ACSM3: variants seen among roughly 807,000 people sequenced by gnomAD.
The protein encoded by ACSM3 is acyl-CoA synthetase medium chain family member 3.
A neutral mutation model predicts 74.1 loss-of-function variants in ACSM3; 61 were observed. The ratio of observed to expected loss-of-function variants is 0.82; its 90% confidence interval spans 0.67 to 1.02. The LOEUF is 1.02. ACSM3 is among the 50% of genes least tolerant of loss of function. The pLI, the probability that ACSM3 is intolerant of heterozygous loss-of-function variation, is 0.00. For synonymous variants in ACSM3, 213 were observed against 241.5 expected, an observed-to-expected ratio of 0.88 and a Z score of 1.09; for missense variants, 660 against 697.0, an observed-to-expected ratio of 0.95 and a Z score of 0.60.
chr16:20,696,932 G>A (rs944980134), intron 1 of ACSM3, among the ~76,000 whole-genome samples: 1 of 152,152 alleles, frequency 6.6e-6, no homozygotes, highest in Non-Finnish European at 1.5e-5. Context: ...GAACTTAAGC[G>A]CACAGTAGTA....
chr16:20,734,201 CCA>C (rs1399851583), intron 1 of ACSM3: 3 of 152,612 alleles, frequency 2.0e-5, no homozygotes, highest in African/African-American at 7.2e-5. Flanking sequence ...CAATTTAGTT[CCA>C]CAGAGTTGTA....
chr16:20,777,292 T>C (rs1175954786), intron 3 of ACSM3, 81 bp from the exon 4 acceptor site: 3 of 1,241,476 alleles, frequency 2.4e-6, no homozygotes, highest in African/African-American at 3.0e-5. Context: ...AAATACAGAA[T>C]GTATAGATGG....
intron 1 of ACSM3, chr16:20,722,208 G>T (rs1313917639): frequency 6.6e-6 from 1 of 152,174 alleles, no homozygotes; most frequent in African/African-American, 2.4e-5. Flanking sequence ...TTTTTTAAAT[G>T]TGCTGGTTAA....
At chr16:20,698,448 G>A (rs2152351571) in intron 1 of ACSM3, among the ~76,000 whole-genome samples, 1 of 152,198 alleles carries the variant, frequency 6.6e-6, no homozygotes, top group South Asian at 2.1e-4. Context: ...CCTTAGGTCT[G>A]CCACTTAACC....
At chr16:20,742,792 A>AATATATATATAT (rs1216173827) in intron 1 of ACSM3, among the ~76,000 whole-genome samples, 384 of 136,348 alleles carry the variant, frequency 2.8e-3, no homozygotes, top group East Asian at 0.021. Context: ...GGTGCGTGTA[A>AATATATATATAT]ATATATATAT....
At chr16:20,684,520 G>A (rs568691951) in intron 1 of ACSM3, among the ~76,000 whole-genome samples, 4 of 152,184 alleles carry the variant, frequency 2.6e-5, no homozygotes, top group South Asian at 2.1e-4. Context: ...CCTGCCTAAC[G>A]TGTCTAATCT....
intron 1 of ACSM3, among the ~76,000 whole-genome samples, chr16:20,713,251 C>G (rs187826530): frequency 6.6e-6 from 1 of 152,182 alleles, no homozygotes; most frequent in East Asian, 1.9e-4. Context: ...ATAGAGTAAT[C>G]ACTCCATAAA....
At chr16:20,759,013 G>T (rs1273059671) in intron 3 of ACSM3, among the ~76,000 whole-genome samples, 3 of 152,092 alleles carry the variant, frequency 2.0e-5, no homozygotes, top group East Asian at 3.9e-4. Flanking sequence ...TATAATTTCT[G>T]TTCTTTTACA....
Position 20,790,716 on chromosome 16 carries a change from T to G in ACSM3, c.1326+28T>G. 5 of 1,614,022 alleles carry G rather than the reference T, an allele frequency of 3.1e-6. No homozygotes were observed. The highest frequency in any genetic ancestry group is 4.2e-6 in the Non-Finnish European group (5 of 1,179,922). On this transcript the variant is annotated intron_variant, in intron 10 of 13. Coordinates refer to ENST00000289416, the MANE Select transcript of ACSM3 (RefSeq NM_005622.4). This position sits in a 1 kb window ranked among gnomAD's most constrained non-coding sequence, Gnocchi z 4.0. ...AAGTGACTTACTAAATAATCTCATT[T>G]TCTATTTATTTCTCAAGTGCTTGGT...
chr16:20,785,797 A>G (rs564946437), intron 8 of ACSM3, among the ~76,000 whole-genome samples: 1 of 152,344 alleles, frequency 6.6e-6, no homozygotes, highest in Admixed American at 6.5e-5. Context: ...TGAAAAATTC[A>G]TTAACTAGAA....
chr16:20,731,015 G>A (rs535030271), intron 1 of ACSM3, among the ~76,000 whole-genome samples: 4 of 152,138 alleles, frequency 2.6e-5, no homozygotes, highest in African/African-American at 2.4e-5. Flanking sequence ...GTGCATTATC[G>A]TGCCCTGGCT....
chr16:20,709,190 T>G (rs753002829), intron 1 of ACSM3, among the ~76,000 whole-genome samples: 50 of 152,118 alleles, frequency 3.3e-4, no homozygotes, highest in Non-Finnish European at 6.9e-4. Context: ...AGGCGGAGCT[T>G]ACAGTGAGCT....
intron 1 of ACSM3, chr16:20,682,582 A>C: frequency 1.4e-6 from 1 of 703,738 alleles, no homozygotes. Context: ...AGGCCACAGA[A>C]CAACAGCAGC....
At chr16:20,794,865 C>G (rs2080686824) in intron 12 of ACSM3, among the ~76,000 whole-genome samples, 1 of 152,132 alleles carries the variant, frequency 6.6e-6, no homozygotes, top group African/African-American at 2.4e-5. Flanking sequence ...ATACTCTTAC[C>G]CATGTTAGGT....
chr16:20,792,744 G>C, intron 12 of ACSM3: 2 of 984,696 alleles, frequency 2.0e-6, no homozygotes, highest in East Asian at 1.1e-4. Context: ...TCAGATGTCA[G>C]AAGTGGGAAC....
At chr16:20,736,843 C>T in intron 1 of ACSM3, 1 of 1,595,818 alleles carries the variant, frequency 6.3e-7, no homozygotes, top group Non-Finnish European at 8.6e-7. Context: ...TCGTAGAGCC[C>T]CAGGTGAGAA....
At chr16:20,783,122 T>C (rs1223745498) in intron 7 of ACSM3, 1 of 152,186 alleles carries the variant, frequency 6.6e-6, no homozygotes, top group Non-Finnish European at 1.5e-5. Flanking sequence ...CCAACCCCTA[T>C]ACGGGAGCCC....
At chr16:20,737,912 T>G in intron 1 of ACSM3, 1 of 1,613,680 alleles carries the variant, frequency 6.2e-7, no homozygotes, top group African/African-American at 1.3e-5. Context: ...TTTTTCTTGG[T>G]TTTGTACATA....
At chr16:20,717,843 G>A (rs1359556133) in intron 1 of ACSM3, among the ~76,000 whole-genome samples, 1 of 150,764 alleles carries the variant, frequency 6.6e-6, no homozygotes, top group Non-Finnish European at 1.5e-5. Context: ...GGAAGAAGAA[G>A]GAGGAGGAAG....
Sources: gnomAD v4.1 joint callset for allele counts (sites outside exome capture counted in the v4.1 genomes callset) on GRCh38, gnomAD v4.1.1 for gene constraint, Gnocchi (gnomAD v3.1) non-coding constraint, MANE v1.5 for transcripts, NCBI Gene and HGNC (gene_info 2026-07-23, HGNC 2026-07-21) for gene names.